The following CUL1 variants were observed in gnomAD, a reference collection of about 807,000 sequenced individuals.
CUL1 encodes cullin-1.
Under a neutral mutation model 118.0 loss-of-function variants are expected in CUL1, and 24 were observed. The observed-to-expected ratio is 0.20, with a 90% confidence interval of 0.15 to 0.29. The LOEUF is 0.29. Among genes scored for constraint, CUL1 ranks in the 10% least tolerant of loss-of-function variants. The pLI is 1.00. For synonymous variants in CUL1, 332 were observed against 340.4 expected, an observed-to-expected ratio of 0.98 and a Z score of 0.27; for missense variants, 361 against 933.8, an observed-to-expected ratio of 0.39 and a Z score of 7.99.
chr7:148,744,008 ATG>A (rs1799228678), intron 2 of CUL1, among the ~76,000 whole-genome samples: 1 of 152,240 alleles, frequency 6.6e-6, no homozygotes, highest in Non-Finnish European at 1.5e-5. Context: ...TACATTTATT[ATG>A]AAATGTGTCC....
At chr7:148,746,090 T>C (rs1799302477) in intron 2 of CUL1, among the ~76,000 whole-genome samples, 1 of 151,496 alleles carries the variant, frequency 6.6e-6, no homozygotes, top group African/African-American at 2.4e-5. Flanking sequence ...CCCTTGCCTG[T>C]GTGTGTGTGA....
intron 9 of CUL1, among the ~76,000 whole-genome samples, chr7:148,777,859 A>T (rs1420853002): frequency 1.3e-5 from 2 of 151,734 alleles, no homozygotes; most frequent in Non-Finnish European, 2.9e-5. Flanking sequence ...TGAGGTCAGG[A>T]GTTTGAGACC....
At chr7:148,742,433 A>G (rs1379967858) in intron 2 of CUL1, among the ~76,000 whole-genome samples, 1 of 152,164 alleles carries the variant, frequency 6.6e-6, no homozygotes, top group African/African-American at 2.4e-5. Flanking sequence ...CGAGAACACT[A>G]TCGGGGAAAC....
intron 6 of CUL1, 130 bp downstream of exon 6, chr7:148,759,768 T>C (rs774543826): frequency 1.7e-4 from 84 of 496,044 alleles, no homozygotes; most frequent in Non-Finnish European, 2.5e-4. Context: ...CGAAGGTACT[T>C]ACATTTCTTT....
At position 148,743,076 on chromosome 7, in the gene CUL1, C is replaced by T. The variant is rs1421441956; in HGVS notation, c.141-10900C>T. ...ATTGTTTAGAAATATTGGATTTTCC[C>T]GGGTAGCTTATTGTTACTAATTCCT... On this transcript the variant is annotated intron_variant, in intron 2 of 21. Coordinates refer to ENST00000325222, the MANE Select transcript of CUL1 (RefSeq NM_003592.3). 3.3e-5 allele frequency among the ~76,000 whole-genome samples: 5 copies of T among 152,056 alleles called. 1 individual carries two copies. Among genetic ancestry groups the T allele is most frequent in the African/African-American group, 7.2e-5 (3 of 41,386 alleles).
In CUL1 at chr7:148,786,923, A is replaced by G. The variant is rs1057246292; in HGVS notation, c.1348-66A>G. 9 of 1,562,456 alleles carry G rather than the reference A, an allele frequency of 5.8e-6. No individual in the cohort carries two copies. The African/African-American group carries it at 1.2e-4, about 21-fold the overall frequency. ...TGGCTCCTGGCTTGTGGCCGGTGAC[A>G]GTCAGCTCTGCACTGTTGGCTTGTG... On this transcript the variant is annotated intron_variant, in intron 12 of 21. Coordinates refer to ENST00000325222, the MANE Select transcript of CUL1 (RefSeq NM_003592.3).
intron 9 of CUL1, among the ~76,000 whole-genome samples, chr7:148,779,576 C>A (rs1289356577): frequency 6.6e-6 from 1 of 152,156 alleles, no homozygotes; most frequent in Non-Finnish European, 1.5e-5. Flanking sequence ...CTGGCCAGAC[C>A]AGGGAAAACC....
intron 1 of CUL1, among the ~76,000 whole-genome samples, chr7:148,700,224 T>C (rs1290622199): frequency 6.6e-6 from 1 of 152,162 alleles, no homozygotes; most frequent in Non-Finnish European, 1.5e-5. Context: ...TCGTCAAAAG[T>C]TCTGAGTGGA....
At chr7:148,701,704 G>C (rs1181672867) in intron 1 of CUL1, among the ~76,000 whole-genome samples, 1 of 152,212 alleles carries the variant, frequency 6.6e-6, no homozygotes, top group Non-Finnish European at 1.5e-5. Context: ...CCATTCATCA[G>C]AATGTCATTC....
chr7:148,746,348 C>A lies in CUL1; in HGVS notation c.141-7628C>A, dbSNP rs535964697. The stretch of plus-strand genomic sequence containing the variant: ...GTATCAGTGATGACCTAGTCATCAT[C>A]ATTGCATCAGTGCACACTTGCGTGC... On this transcript the variant is annotated intron_variant, in intron 2 of 21. Coordinates refer to ENST00000325222, the MANE Select transcript of CUL1 (RefSeq NM_003592.3). Among the ~76,000 whole-genome samples the A allele has an allele frequency of 9.2e-5, 14 of 152,288 alleles. No individual in the cohort carries two copies. The East Asian group carries it at 2.3e-3, about 25-fold the overall frequency.
intron 2 of CUL1, among the ~76,000 whole-genome samples, chr7:148,743,290 G>C (rs2129459989): frequency 6.6e-6 from 1 of 152,302 alleles, no homozygotes; most frequent in Middle Eastern, 3.4e-3. Context: ...AGATCAGCTT[G>C]CGGGAGATGA....
chr7:148,761,951 G>A (rs1159428891), intron 7 of CUL1, among the ~76,000 whole-genome samples: 2 of 152,204 alleles, frequency 1.3e-5, no homozygotes, highest in African/African-American at 2.4e-5. Context: ...AGTAGGGTTC[G>A]AGCTCCTATG....
intron 9 of CUL1, among the ~76,000 whole-genome samples, chr7:148,775,710 C>G (rs1257389434): frequency 6.6e-6 from 1 of 152,148 alleles, no homozygotes; most frequent in Non-Finnish European, 1.5e-5. Flanking sequence ...TACATAACTT[C>G]AGAGAAACAA....
intron 1 of CUL1, among the ~76,000 whole-genome samples, chr7:148,725,013 G>A (rs1376721221): frequency 2.0e-5 from 3 of 152,164 alleles, no homozygotes; most frequent in African/African-American, 7.2e-5. Flanking sequence ...TTGATGGCTT[G>A]ATTATAAGAT....
chr7:148,699,408 C>T (rs1797639398), intron 1 of CUL1, among the ~76,000 whole-genome samples: 1 of 152,058 alleles, frequency 6.6e-6, no homozygotes, highest in African/African-American at 2.4e-5. Context: ...CGACGTGTGG[C>T]CCGGGGCGGC....
At chr7:148,708,940 A>T (rs1463850132) in intron 1 of CUL1, among the ~76,000 whole-genome samples, 1 of 152,254 alleles carries the variant, frequency 6.6e-6, no homozygotes, top group Admixed American at 6.5e-5. Flanking sequence ...AAAACTGATT[A>T]AATAATTCAC....
At chr7:148,789,462 A>G (rs997695441) in intron 14 of CUL1, among the ~76,000 whole-genome samples, 1 of 152,178 alleles carries the variant, frequency 6.6e-6, no homozygotes, top group African/African-American at 2.4e-5. Context: ...AGGACAGAAA[A>G]GGAAAGCAAG....
At chr7:148,716,246 A>G (rs1193726836) in intron 1 of CUL1, among the ~76,000 whole-genome samples, 1 of 152,200 alleles carries the variant, frequency 6.6e-6, no homozygotes, top group Non-Finnish European at 1.5e-5. Context: ...ACATGCAGAC[A>G]TCTTCCTATT....
In CUL1 at chr7:148,797,853, G is replaced by A. The variant is rs779128496; in HGVS notation, c.1941G>A (p.Lys647=). 6.2e-7 allele frequency: 1 copy of A among 1,613,544 alleles called. No individual in the cohort carries two copies. Among genetic ancestry groups the A allele is most frequent in the Non-Finnish European group, 8.5e-7 (1 of 1,179,742 alleles). ...TTTTACAGATTTTATTAAAGTCGAA[G>A]CTATTGGTAGGTTTGCGCCCTTTTA... The part of the protein sequence containing the change: ...AQVLQILLKS[K]LLVLEDENAN... Residue 647 remains lysine, a synonymous_variant, in exon 18 of 22, where the codon AAG becomes AAA. Transcript: ENST00000325222.
Sources: allele counts gnomAD v4.1 joint callset (sites outside exome capture counted in the v4.1 genomes callset), GRCh38; gene constraint gnomAD v4.1.1; transcripts MANE v1.5; gene names NCBI Gene and HGNC (gene_info 2026-07-23, HGNC 2026-07-21).